The following ARHGAP19 variants were observed in gnomAD, a reference collection of about 807,000 sequenced individuals.
The protein encoded by ARHGAP19 is Rho GTPase activating protein 19, also known as rho GTPase-activating protein 19.
Under a neutral mutation model 60.9 loss-of-function variants are expected in ARHGAP19, and 48 were observed. That is an observed-to-expected ratio of 0.79 (90% confidence interval 0.62 to 1.00). The LOEUF (loss-of-function observed/expected upper bound fraction) is 1.00. Ranked by LOEUF, ARHGAP19 falls within the 50% of genes least tolerant of loss-of-function variation. ARHGAP19 has a pLI of 0.00. For missense variants in ARHGAP19, 562 were observed against 597.2 expected, an observed-to-expected ratio of 0.94 and a Z score of 0.61; for synonymous variants, 209 against 215.5, an observed-to-expected ratio of 0.97 and a Z score of 0.27.
chr10:97,255,791 C>G (rs1319075490), intron 6 of ARHGAP19, among the ~76,000 whole-genome samples: 3 of 152,166 alleles, frequency 2.0e-5, no homozygotes, highest in Non-Finnish European at 4.4e-5. Context: ...CTTAAAGGTA[C>G]TGTCCCTTAG....
At chr10:97,237,855 A>G (rs1842406716) in intron 8 of ARHGAP19, among the ~76,000 whole-genome samples, 1 of 152,110 alleles carries the variant, frequency 6.6e-6, no homozygotes, top group Admixed American at 6.6e-5. Context: ...TGGGCGAAAG[A>G]GCGAGACTCT....
intron 1 of ARHGAP19, among the ~76,000 whole-genome samples, chr10:97,280,360 G>A (rs769994277): frequency 4.7e-5 from 7 of 150,460 alleles, no homozygotes; most frequent in Non-Finnish European, 8.9e-5. Flanking sequence ...AGTGAGCCGA[G>A]ATCACACCAC....
At chr10:97,266,227 T>A in intron 1 of ARHGAP19, 102 bp from the exon 2 acceptor site, 1 of 1,392,132 alleles carries the variant, frequency 7.2e-7, no homozygotes. Context: ...AAGGCAGAGG[T>A]TTCCTTATAG....
At position 97,259,434 on chromosome 10, in the gene ARHGAP19, T is replaced by C; in HGVS notation, c.808A>G (p.Met270Val). Residue 270 changes from methionine to valine, a missense_variant, in exon 5 of 12, where the codon ATG (methionine) becomes GTG (valine). By Grantham distance (21) the Met-to-Val change is conservative (BLOSUM62 1). Coordinates refer to ENST00000358531, the MANE Select transcript of ARHGAP19 (RefSeq NM_032900.6). ...NKMSAYNLAL[M>V]FAPHVLWPKN... is the part of the protein sequence containing the mutation. ...GGCCACAGGACATGGGGTGCAAACA[T>C]AAGGGCAAGGTTATAGGCTGACATC... The C allele has an allele frequency of 1.2e-6, 2 of 1,614,124 alleles. No homozygotes were observed. The highest frequency in any genetic ancestry group is 8.5e-7 in the Non-Finnish European group (1 of 1,180,000).
At chr10:97,262,432 C>T (rs1842842576) in intron 4 of ARHGAP19, among the ~76,000 whole-genome samples, 1 of 151,944 alleles carries the variant, frequency 6.6e-6, no homozygotes. Context: ...TTTGGGAGGC[C>T]AAGGTAGGCC....
At chr10:97,239,999 G>C (rs1354333175) in intron 8 of ARHGAP19, among the ~76,000 whole-genome samples, 2 of 151,930 alleles carry the variant, frequency 1.3e-5, no homozygotes, top group Non-Finnish European at 2.9e-5. Context: ...GAGCCACCCT[G>C]CTCGGCCCTG....
intron 11 of ARHGAP19, among the ~76,000 whole-genome samples, chr10:97,227,079 A>G (rs1371256085): frequency 1.3e-5 from 2 of 152,270 alleles, no homozygotes; most frequent in African/African-American, 4.8e-5. Flanking sequence ...CAGCTCCTAC[A>G]ACAAAGCATT....
At chr10:97,270,552 A>G in intron 1 of ARHGAP19, 2 of 1,463,960 alleles carry the variant, frequency 1.4e-6, no homozygotes, top group East Asian at 2.5e-5. Context: ...ACTCTACAAT[A>G]TTGTAAAACA....
chr10:97,259,144 T>C (rs1175536858), intron 5 of ARHGAP19, among the ~76,000 whole-genome samples: 1 of 152,206 alleles, frequency 6.6e-6, no homozygotes, highest in South Asian at 2.1e-4. Context: ...GTTTATTCAG[T>C]AGTTATAATT....
intron 1 of ARHGAP19, among the ~76,000 whole-genome samples, chr10:97,267,507 G>C (rs982826853): frequency 2.0e-5 from 3 of 152,246 alleles, no homozygotes; most frequent in Non-Finnish European, 4.4e-5. Context: ...CCCCAATGGG[G>C]ACTCTGTATG....
At chr10:97,249,681 T>C (rs1319587051) in intron 6 of ARHGAP19, among the ~76,000 whole-genome samples, 2 of 152,144 alleles carry the variant, frequency 1.3e-5, no homozygotes, top group African/African-American at 2.4e-5. Flanking sequence ...TTGGCCTATA[T>C]TGAAAAAAAG....
intron 6 of ARHGAP19, among the ~76,000 whole-genome samples, chr10:97,251,403 G>A (rs1204922564): frequency 3.3e-5 from 1 of 30,418 alleles, no homozygotes; most frequent in Non-Finnish European, 7.0e-5. Context: ...GGAAGGGGAA[G>A]GGAAGGGAAA....
In ARHGAP19 at chr10:97,224,105, T is replaced by C. The variant is rs375921518; in HGVS notation, c.*2017A>G. The C allele has an allele frequency of 6.6e-6, 1 of 152,116 alleles. No individual in the cohort carries two copies. The highest frequency in any genetic ancestry group is 1.5e-5 in the Non-Finnish European group (1 of 68,026). 9.4% of individuals were successfully genotyped at this position (152,116 alleles called of 1,614,324 possible). ...TCTCAGCTACTTCCCTTAAATAGAA[T>C]CAAAAACTAACACGATGACAGGAGC... On this transcript the variant is annotated 3_prime_UTR_variant, in exon 12 of 12. Coordinates refer to ENST00000358531, the MANE Select transcript of ARHGAP19 (RefSeq NM_032900.6).
chr10:97,250,977 C>G (rs1212491302), intron 6 of ARHGAP19, among the ~76,000 whole-genome samples: 2 of 151,078 alleles, frequency 1.3e-5, no homozygotes, highest in Non-Finnish European at 2.9e-5. Flanking sequence ...GTGGGAGGAT[C>G]GCTTGAGCCT....
At chr10:97,288,046 G>A (rs1843178306) in intron 1 of ARHGAP19, among the ~76,000 whole-genome samples, 1 of 152,098 alleles carries the variant, frequency 6.6e-6, no homozygotes, top group Non-Finnish European at 1.5e-5. Context: ...GGGGCAACAA[G>A]AGCGAAACTC....
At chr10:97,289,307 G>A (rs1272923502) in intron 1 of ARHGAP19, among the ~76,000 whole-genome samples, 1 of 151,634 alleles carries the variant, frequency 6.6e-6, no homozygotes, top group Non-Finnish European at 1.5e-5. Context: ...ATTGAGATGG[G>A]GTTTCACTGT....
chr10:97,266,268 T>C (rs1842898315), intron 1 of ARHGAP19, 143 bp from the exon 2 acceptor site: 3 of 877,952 alleles, frequency 3.4e-6, no homozygotes, highest in Non-Finnish European at 5.2e-6. Flanking sequence ...CAGATGCCCT[T>C]GAACACTGTT....
chr10:97,279,696 G>A (rs757662802), intron 1 of ARHGAP19, among the ~76,000 whole-genome samples: 3 of 151,790 alleles, frequency 2.0e-5, no homozygotes, highest in African/African-American at 4.8e-5. Flanking sequence ...GTCTTTCTAC[G>A]TTGCCCAGGT....
At chr10:97,272,060 T>C (rs1334550860) in intron 1 of ARHGAP19, among the ~76,000 whole-genome samples, 3 of 151,770 alleles carry the variant, frequency 2.0e-5, no homozygotes, top group African/African-American at 7.3e-5. Flanking sequence ...TCTTAAATTT[T>C]CCTTGTAATG....
Sources: allele counts gnomAD v4.1 joint callset (sites outside exome capture counted in the v4.1 genomes callset), GRCh38; gene constraint gnomAD v4.1.1; transcripts MANE v1.5; gene names NCBI Gene and HGNC (gene_info 2026-07-23, HGNC 2026-07-21).